Variants in HADH observed in about 807,000 individuals in gnomAD.
HADH encodes the protein hydroxyacyl-coenzyme A dehydrogenase, mitochondrial.
Under a neutral mutation model 32.2 loss-of-function variants are expected in HADH, and 24 were observed. The observed-to-expected ratio is 0.75, with a 90% CI of 0.54 to 1.05. HADH has a LOEUF of 1.05. Among genes scored for constraint, HADH ranks in the 50% least tolerant of loss-of-function variants. HADH has a pLI of 0.00. For synonymous variants in HADH, 139 were observed against 152.5 expected (o/e 0.91, Z 0.65); for missense variants, 350 against 397.1 (o/e 0.88, Z 1.01).
chr4:107,995,993 T>A (rs7673916), intron 1 of HADH, among the ~76,000 whole-genome samples: 19,916 of 152,146 alleles, frequency 0.13, 2,139 homozygotes, highest in African/African-American at 0.3. Context: ...ATTCATTATT[T>A]CCCCTCCAGC....
At chr4:108,030,583 C>G (rs13147760) in intron 6 of HADH, 131,158 of 152,352 alleles carry the variant, frequency 0.86, 57,494 homozygotes, top group East Asian at 0.97. Flanking sequence ...CAAGTCCCAG[C>G]CCCTCAGCTG....
At position 108,034,744 on chromosome 4, in the gene HADH, C is replaced by T; in HGVS notation, c.*387C>T. The T allele has an allele frequency of 2.9e-6, 1 of 348,430 alleles. No homozygotes were observed. Among genetic ancestry groups the T allele is most frequent in the South Asian group, 2.3e-5 (1 of 44,184 alleles). The allele number at this position is 348,430 out of a possible 1,614,324, so 21.6% of individuals were successfully genotyped here. A position where few individuals can be genotyped will look rare whatever the true frequency, so the allele number is the denominator to read the frequency against. On this transcript the variant is annotated 3_prime_UTR_variant, in exon 8 of 8. Coordinates refer to ENST00000309522, the MANE Select transcript of HADH (RefSeq NM_005327.7). ...GCTCACTGTTGCTGCGTGGGAGAGT[C>T]ACAAGCCACTGGCAAGCAAGTGGTA... is the stretch of plus-strand genomic sequence containing the variant.
In HADH at chr4:107,992,012, CA is replaced by C. The variant is rs1734829464; in HGVS notation, c.132+1953del. Among the ~76,000 whole-genome samples the C allele has an allele frequency of 2.0e-5, 3 of 151,998 alleles. No individual in the cohort carries two copies. The South Asian group carries it at 6.2e-4, about 32-fold the overall frequency. On this transcript the variant is annotated intron_variant, in intron 1 of 7. Coordinates refer to ENST00000309522, the MANE Select transcript of HADH (RefSeq NM_005327.7). ...TTTGAATGCTGCATCCATCATTGGCCAAAAATGGATGTTGTGTTGCATTAAA... is the reference window on the plus strand; with the variant it reads ...TTTGAATGCTGCATCCATCATTGGCCAAAATGGATGTTGTGTTGCATTAAA...
Position 107,989,894 on chromosome 4 carries a change from C to T in HADH, c.-39C>T, listed in dbSNP as rs758077730. The T allele has an allele frequency of 3.1e-6, 5 of 1,605,862 alleles. No homozygotes were observed. The highest frequency in any genetic ancestry group is 2.2e-5 in the South Asian group (2 of 89,470). On this transcript the variant is annotated 5_prime_UTR_variant, in exon 1 of 8. Transcript: ENST00000309522. Reference sequence around the variant, plus strand: ...CGGCTGCCCGCCTCGCGCGTCTTCCCTGCCCGGGTCTCCTCGCTGTCGCCG... The same window carrying T: ...CGGCTGCCCGCCTCGCGCGTCTTCCTTGCCCGGGTCTCCTCGCTGTCGCCG...
intron 3 of HADH, among the ~76,000 whole-genome samples, chr4:108,015,901 AC>A (rs1735675887): frequency 6.6e-6 from 1 of 152,016 alleles, no homozygotes; most frequent in African/African-American, 2.4e-5. Flanking sequence ...GCATAGGAGT[AC>A]CCTACGTGTC....
At chr4:108,028,157 G>A in intron 6 of HADH, 1 of 274,586 alleles carries the variant, frequency 3.6e-6, no homozygotes, top group Non-Finnish European at 7.1e-6. Flanking sequence ...ACTTGTGACT[G>A]ACAGGTGATT....
intron 3 of HADH, among the ~76,000 whole-genome samples, chr4:108,017,242 G>C (rs1735721955): frequency 6.6e-6 from 1 of 152,186 alleles, no homozygotes; most frequent in African/African-American, 2.4e-5. Flanking sequence ...GCATCCTGGA[G>C]AGAACATGAC....
intron 1 of HADH, among the ~76,000 whole-genome samples, chr4:107,991,853 A>T (rs1734823246): frequency 6.6e-6 from 1 of 152,234 alleles, no homozygotes; most frequent in Non-Finnish European, 1.5e-5. Context: ...GGCCTTAAGC[A>T]GCCTCCAGGA....
intron 5 of HADH, chr4:108,025,368 C>T (rs1177453031): frequency 6.6e-6 from 1 of 152,126 alleles, no homozygotes; most frequent in African/African-American, 2.4e-5. Context: ...GCTGTGTAAC[C>T]TTAGGCAAGC....
intron 1 of HADH, among the ~76,000 whole-genome samples, chr4:107,995,356 A>G (rs1734925269): frequency 6.6e-6 from 1 of 152,180 alleles, no homozygotes; most frequent in Non-Finnish European, 1.5e-5. Context: ...CTAATATACA[A>G]GCTCCTAGAA....
At position 108,022,225 on chromosome 4, in the gene HADH, A is replaced by G. The variant is rs554375311; in HGVS notation, c.547-1249A>G. Among the ~76,000 whole-genome samples, 638 of 143,720 alleles carry G rather than the reference A, an allele frequency of 4.4e-3. 7 individuals are homozygous for G. Among genetic ancestry groups the G allele is most frequent in the African/African-American group, 0.017 (604 of 35,898 alleles). The allele number at this position is 143,720 out of a possible 152,430, so 94.3% of individuals were successfully genotyped here. A position where few individuals can be genotyped will look rare whatever the true frequency, so the allele number is the denominator to read the frequency against. On this transcript the variant is annotated intron_variant, in intron 4 of 7. Transcript: ENST00000309522. ...TATGTGTGTGTGTGTGTGTGTGTGT[A>G]TAGTTGAATGAATGAGTGAATAAAC...
At position 108,009,896 on chromosome 4, in the gene HADH, T is replaced by A. The variant is rs368785017; in HGVS notation, c.261+9T>A. 6.3e-7 allele frequency: 1 copy of A among 1,591,926 alleles called. No homozygotes were observed. Among genetic ancestry groups the A allele is most frequent in the Non-Finnish European group, 8.6e-7 (1 of 1,159,732 alleles). ...TTGCAGAAAACCTTAAGGTAATTTC[T>A]TATTATCGATGTCTTCAAGACAAGT... On this transcript the variant is annotated intron_variant, in intron 2 of 7. Coordinates refer to ENST00000309522, the MANE Select transcript of HADH (RefSeq NM_005327.7).
At chr4:108,008,804 C>T (rs1040480911) in intron 1 of HADH, among the ~76,000 whole-genome samples, 5 of 152,218 alleles carry the variant, frequency 3.3e-5, no homozygotes, top group African/African-American at 1.2e-4. Flanking sequence ...TGCCTGTCCT[C>T]TTGCTTCTGG....
chr4:108,021,027 G>A lies in HADH; in HGVS notation c.546+1361G>A, dbSNP rs1248391180. ...GGACTTTTTCTGTCTTACTAACATT[G>A]CTTCTCAGCTTCCTCCTATTTTCTC... On this transcript the variant is annotated intron_variant, in intron 4 of 7. Transcript: ENST00000309522. 3.3e-5 allele frequency among the ~76,000 whole-genome samples: 5 copies of A among 152,036 alleles called. No homozygotes were observed. The East Asian group carries it at 5.8e-4, about 18-fold the overall frequency.
intron 1 of HADH, among the ~76,000 whole-genome samples, chr4:108,006,617 T>C (rs1457200380): frequency 1.3e-5 from 2 of 152,178 alleles, no homozygotes; most frequent in East Asian, 1.9e-4. Context: ...GTTTGATTCA[T>C]TGGGTCTGGA....
intron 2 of HADH, among the ~76,000 whole-genome samples, chr4:108,010,239 A>G (rs1299907386): frequency 6.6e-6 from 1 of 152,136 alleles, no homozygotes; most frequent in Admixed American, 6.5e-5. Flanking sequence ...AAACAGGAAG[A>G]TAATTTTTAT....
At chr4:107,993,137 A>G (rs749761772) in intron 1 of HADH, among the ~76,000 whole-genome samples, 21 of 152,158 alleles carry the variant, frequency 1.4e-4, no homozygotes, top group Non-Finnish European at 3.1e-4. Flanking sequence ...TAAAAAGAAT[A>G]ATCATCATCT....
At chr4:108,012,281 A>G (rs1400158393) in intron 2 of HADH, among the ~76,000 whole-genome samples, 1 of 152,166 alleles carries the variant, frequency 6.6e-6, no homozygotes, top group Non-Finnish European at 1.5e-5. Flanking sequence ...CTTCTCTAGG[A>G]TGAAATTCAA....
intron 1 of HADH, among the ~76,000 whole-genome samples, chr4:107,993,394 C>T (rs1195404991): frequency 6.6e-6 from 1 of 152,140 alleles, no homozygotes; most frequent in Non-Finnish European, 1.5e-5. Context: ...TTTAGTAAAG[C>T]CATAAAAGTA....
Sources: gnomAD v4.1 joint callset for allele counts (sites outside exome capture counted in the v4.1 genomes callset) on GRCh38, gnomAD v4.1.1 for gene constraint, MANE v1.5 for transcripts, NCBI Gene and HGNC (gene_info 2026-07-23, HGNC 2026-07-21) for gene names.